Variants in SCRN3 observed in about 807,000 individuals in gnomAD.
SCRN3 encodes secernin-3.
Under a neutral mutation model 43.1 loss-of-function variants are expected in SCRN3, and 39 were observed. The ratio of observed to expected loss-of-function variants is 0.91; its 90% confidence interval spans 0.70 to 1.18. The LOEUF (loss-of-function observed/expected upper bound fraction) is 1.18, where lower values mean the gene tolerates loss of function less well. SCRN3 is among the 50% of genes most tolerant of loss of function. The pLI is 0.00. For synonymous variants in SCRN3, 147 were observed against 163.1 expected, an observed-to-expected ratio of 0.90 and a Z score of 0.75; for missense variants, 484 against 498.0, an observed-to-expected ratio of 0.97 and a Z score of 0.27.
Position 174,429,425 on chromosome 2 carries a change from G to A in SCRN3, c.*1530G>A, listed in dbSNP as rs1686588675. On this transcript the variant is annotated 3_prime_UTR_variant, in exon 8 of 8. Transcript: ENST00000272732. ...GCCAATCTATTACAAATTTAAATCT[G>A]ATTATGAATTCCCCTCCTAAAACTC... The A allele has an allele frequency of 1.3e-5, 2 of 152,012 alleles. No individual in the cohort carries two copies. The highest frequency in any genetic ancestry group is 2.1e-4 in the South Asian group (1 of 4,818). The allele number at this position is 152,012 out of a possible 1,614,324, so 9.4% of individuals were successfully genotyped here.
rs752219205 is a variant in SCRN3, at chr2:174,398,459, T to C, written c.159+17T>C. ...CGTCTTAAGGTAGGTGAAATAAATG[T>C]TTTGTTAGCAATATGCCTTTTAAAA... On this transcript the variant is annotated intron_variant, in intron 2 of 7. Transcript: ENST00000272732. 1.9e-6 allele frequency: 3 copies of C among 1,578,616 alleles called. No homozygotes were observed. In the African/African-American group the frequency reaches 4.1e-5, roughly 22 times the overall value.
chr2:174,425,522 A>G (rs1259551948), intron 7 of SCRN3, among the ~76,000 whole-genome samples: 1 of 152,188 alleles, frequency 6.6e-6, no homozygotes, highest in Non-Finnish European at 1.5e-5. Flanking sequence ...AACGGATTAA[A>G]TGAATTTTCC....
chr2:174,411,828 G>A (rs1163152626), intron 5 of SCRN3, among the ~76,000 whole-genome samples: 1 of 152,150 alleles, frequency 6.6e-6, no homozygotes, highest in Non-Finnish European at 1.5e-5. Flanking sequence ...GGCTGAGGCA[G>A]GAGAATCGCT....
chr2:174,416,642 GC>G (rs900131618), intron 5 of SCRN3, among the ~76,000 whole-genome samples: 16 of 152,214 alleles, frequency 1.1e-4, no homozygotes, highest in African/African-American at 3.9e-4. Context: ...TAGGAGGTGG[GC>G]ACTCCTATCT....
At position 174,424,554 on chromosome 2, in the gene SCRN3, G is replaced by A; in HGVS notation, c.997G>A (p.Asp333Asn). 6.2e-7 allele frequency: 1 copy of A among 1,613,076 alleles called. No homozygotes were observed. Among genetic ancestry groups the A allele is most frequent in the Non-Finnish European group, 8.5e-7 (1 of 1,179,288 alleles). ...DTSSPTFELE[D>N]LVKKKSHFKP... ...CAGTTCACCAACATTTGAACTTGAA[G>A]ATCTAGTTAAAAAGAAATCACATTT... is the stretch of plus-strand genomic sequence containing the variant. The change falls in exon 7 of 8, where the codon GAT (aspartate) becomes AAT (asparagine). Residue 333 changes from aspartate to asparagine, a missense_variant. By Grantham distance (23) the Asp-to-Asn change is conservative. Coordinates refer to ENST00000272732, the MANE Select transcript of SCRN3 (RefSeq NM_024583.5).
At chr2:174,402,491 C>G (rs759288144) in intron 4 of SCRN3, among the ~76,000 whole-genome samples, 1 of 152,116 alleles carries the variant, frequency 6.6e-6, no homozygotes, top group Non-Finnish European at 1.5e-5. Context: ...AGTGTGAGAC[C>G]AGCTTGGGCA....
chr2:174,426,911 C>A (rs554215965), intron 7 of SCRN3, among the ~76,000 whole-genome samples: 36 of 152,050 alleles, frequency 2.4e-4, no homozygotes, highest in African/African-American at 8.4e-4. Context: ...CAGCTCACTG[C>A]AACCTCCGCC....
Position 174,411,291 on chromosome 2 carries a change from T to G in SCRN3, c.754+6976T>G, listed in dbSNP as rs1249354305. Among the ~76,000 whole-genome samples, 4 of 152,200 alleles carry G rather than the reference T, an allele frequency of 2.6e-5. No homozygotes were observed. In the South Asian group the frequency reaches 8.3e-4, roughly 31 times the overall value. ...CTATATGAATATTTGGTATGACAGATATTTATATTTTACTCAAATTTCCCA... is the reference window on the plus strand; with the variant it reads ...CTATATGAATATTTGGTATGACAGAGATTTATATTTTACTCAAATTTCCCA... On this transcript the variant is annotated intron_variant, in intron 5 of 7. Transcript: ENST00000272732.
chr2:174,419,404 G>C (rs757720463), intron 5 of SCRN3, among the ~76,000 whole-genome samples: 1 of 152,186 alleles, frequency 6.6e-6, no homozygotes, highest in Non-Finnish European at 1.5e-5. Context: ...GTGATTGACA[G>C]GGTCTTGCAC....
intron 5 of SCRN3, chr2:174,410,504 G>A (rs12994738): frequency 0.19 from 29,685 of 152,350 alleles, 3,383 homozygotes; most frequent in Middle Eastern, 0.37. Context: ...ATTTTTTGAG[G>A]TAAGTATTAT....
At chr2:174,401,562 G>A (rs10203361) in intron 4 of SCRN3, among the ~76,000 whole-genome samples, 40,175 of 152,076 alleles carry the variant, frequency 0.26, 5,652 homozygotes, top group Middle Eastern at 0.34. Context: ...AAATGGGAGT[G>A]GGGTTAGAGA....
At chr2:174,419,036 G>T (rs1456806870) in intron 5 of SCRN3, among the ~76,000 whole-genome samples, 1 of 152,088 alleles carries the variant, frequency 6.6e-6, no homozygotes, top group Non-Finnish European at 1.5e-5. Flanking sequence ...TTAACTGAGG[G>T]CAGAACATTA....
At chr2:174,399,752 A>G (rs1383387752) in intron 2 of SCRN3, among the ~76,000 whole-genome samples, 170 bp from the exon 3 acceptor site, 2 of 152,194 alleles carry the variant, frequency 1.3e-5, no homozygotes, top group African/African-American at 4.8e-5. Flanking sequence ...GTTATTCTGA[A>G]TATGTTTTAA....
intron 5 of SCRN3, among the ~76,000 whole-genome samples, chr2:174,407,254 T>G: frequency 3.9e-5 from 1 of 25,926 alleles, no homozygotes; most frequent in Admixed American, 4.0e-4. Flanking sequence ...CGTAGAGGTG[T>G]TTGTAGTATT....
intron 5 of SCRN3, chr2:174,410,529 G>A (rs1174894815): frequency 6.6e-6 from 1 of 152,210 alleles, no homozygotes; most frequent in African/African-American, 2.4e-5. Flanking sequence ...TTGTGAGAGG[G>A]TCATGATTCT....
intron 5 of SCRN3, among the ~76,000 whole-genome samples, chr2:174,416,795 G>A (rs532680600): frequency 2.4e-4 from 36 of 152,154 alleles, no homozygotes; most frequent in Admixed American, 5.2e-4. Context: ...GTGAAGTTAT[G>A]AGTACATTCC....
rs114664033 is a variant in SCRN3, at chr2:174,419,942, T to C, written c.755-2943T>C. 6.0e-3 allele frequency among the ~76,000 whole-genome samples: 919 copies of C among 152,220 alleles called. 6 individuals are homozygous for C. The highest frequency in any genetic ancestry group is 0.021 in the African/African-American group (874 of 41,534). On this transcript the variant is annotated intron_variant, in intron 5 of 7. Coordinates refer to ENST00000272732, the MANE Select transcript of SCRN3 (RefSeq NM_024583.5). ...GAGATCTGCAGGGAAAAAACCTCTC[T>C]TGTTGGAAGACATGGATGAATACCC...
At chr2:174,417,030 T>C (rs753704141) in intron 5 of SCRN3, among the ~76,000 whole-genome samples, 1 of 152,230 alleles carries the variant, frequency 6.6e-6, no homozygotes, top group Non-Finnish European at 1.5e-5. Flanking sequence ...TTCTTAATGT[T>C]ATAGTTTAAT....
At chr2:174,426,499 C>T (rs1002543130) in intron 7 of SCRN3, among the ~76,000 whole-genome samples, 1 of 152,118 alleles carries the variant, frequency 6.6e-6, no homozygotes. Flanking sequence ...AGGCCGGGCG[C>T]GGTGGCTCAC....
Sources: allele counts gnomAD v4.1 joint callset (sites outside exome capture counted in the v4.1 genomes callset), GRCh38; gene constraint gnomAD v4.1.1; transcripts MANE v1.5; gene names NCBI Gene and HGNC (gene_info 2026-07-23, HGNC 2026-07-21).